Variants in THSD4 observed in about 807,000 individuals in gnomAD.
The protein encoded by THSD4 is thrombospondin type 1 domain containing 4.
A neutral mutation model predicts 119.0 loss-of-function variants in THSD4; 69 were observed. The ratio of observed to expected loss-of-function variants is 0.58; its 90% CI spans 0.48 to 0.71. The LOEUF is 0.71. Among genes scored for constraint, THSD4 ranks in the 30% least tolerant of loss-of-function variants. The probability of loss-of-function intolerance (pLI) is 0.00; values close to 1 mark genes in which losing one functional copy is unlikely to be tolerated. For synonymous variants in THSD4, 524 were observed against 540.4 expected, an observed-to-expected ratio of 0.97 and a Z score of 0.42; for missense variants, 1,393 against 1,391.1, an observed-to-expected ratio of 1.00 and a Z score of -0.02.
At chr15:71,717,619 A>C (rs911221022) in intron 8 of THSD4, among the ~76,000 whole-genome samples, 1 of 151,404 alleles carries the variant, frequency 6.6e-6, no homozygotes, top group Admixed American at 6.6e-5. Flanking sequence ...AAAAAATCAC[A>C]AAAGCAATTG....
intron 2 of THSD4, among the ~76,000 whole-genome samples, chr15:71,148,973 T>C (rs1464748314): frequency 4.6e-5 from 7 of 152,112 alleles, no homozygotes; most frequent in African/African-American, 7.2e-5. Flanking sequence ...CTGAGATCAA[T>C]GGTAGCCATC....
intron 7 of THSD4, among the ~76,000 whole-genome samples, chr15:71,552,552 C>G (rs2048948597): frequency 6.6e-6 from 1 of 152,214 alleles, no homozygotes; most frequent in African/African-American, 2.4e-5. Flanking sequence ...AGCCAGTCAG[C>G]TATGTGGAAC....
chr15:71,267,836 A>G (rs1282194666), intron 6 of THSD4, among the ~76,000 whole-genome samples: 1 of 152,248 alleles, frequency 6.6e-6, no homozygotes, highest in Non-Finnish European at 1.5e-5. Context: ...CAGACTTTAA[A>G]CTAGCAAAAA....
chr15:71,382,623 A>G (rs1241009678), intron 6 of THSD4, among the ~76,000 whole-genome samples: 1 of 152,126 alleles, frequency 6.6e-6, no homozygotes, highest in Non-Finnish European at 1.5e-5. Context: ...TTCCTCACCA[A>G]AAACACATCT....
At chr15:71,106,712 G>A (rs1466072748) in intron 1 of THSD4, among the ~76,000 whole-genome samples, 4 of 152,174 alleles carry the variant, frequency 2.6e-5, no homozygotes, top group Admixed American at 6.5e-5. Flanking sequence ...TCAAATCTCA[G>A]TGGGAGATTT....
chr15:71,237,189 C>T (rs1039196631), intron 4 of THSD4, among the ~76,000 whole-genome samples: 7 of 152,030 alleles, frequency 4.6e-5, no homozygotes, highest in South Asian at 4.2e-4. Context: ...AAGAGCCAGC[C>T]GTCTTCAGGG....
At chr15:71,735,735 A>T (rs1243529357) in intron 10 of THSD4, among the ~76,000 whole-genome samples, 877 of 60,898 alleles carry the variant, frequency 0.014, no homozygotes, top group African/African-American at 0.021. Flanking sequence ...GCTTTCTGTC[A>T]CTGTCCCTGT....
chr15:71,626,065 T>G (rs985904107), intron 7 of THSD4, among the ~76,000 whole-genome samples: 7 of 152,162 alleles, frequency 4.6e-5, no homozygotes, highest in South Asian at 2.1e-4. Flanking sequence ...ATACAGTGTT[T>G]GTGAGCTTAA....
chr15:71,219,763 C>T (rs1265273570), intron 4 of THSD4, among the ~76,000 whole-genome samples: 1 of 152,192 alleles, frequency 6.6e-6, no homozygotes, highest in Non-Finnish European at 1.5e-5. Flanking sequence ...ATTTTATAAA[C>T]AATGAAACCG....
At chr15:71,155,906 G>C (rs2040772499) in intron 3 of THSD4, among the ~76,000 whole-genome samples, 1 of 152,068 alleles carries the variant, frequency 6.6e-6, no homozygotes, top group Non-Finnish European at 1.5e-5. Context: ...AGACAAGAAG[G>C]CTTTGATGCA....
intron 6 of THSD4, among the ~76,000 whole-genome samples, chr15:71,264,768 C>T (rs1330626670): frequency 6.6e-6 from 1 of 152,150 alleles, no homozygotes. Flanking sequence ...TTAAAGGACA[C>T]TGAGAAGGTG....
At chr15:71,579,348 C>T (rs2140912057) in intron 7 of THSD4, among the ~76,000 whole-genome samples, 1 of 152,320 alleles carries the variant, frequency 6.6e-6, no homozygotes, top group South Asian at 2.1e-4. Flanking sequence ...AGAATGTCCT[C>T]CTGAGAAGGG....
intron 5 of THSD4, among the ~76,000 whole-genome samples, chr15:71,251,462 G>A (rs1392913624): frequency 6.6e-6 from 1 of 152,184 alleles, no homozygotes; most frequent in Non-Finnish European, 1.5e-5. Context: ...TTCAATTGTG[G>A]TAGTTTAGAC....
chr15:71,652,446 T>A (rs1187410986), intron 7 of THSD4, among the ~76,000 whole-genome samples: 1 of 152,168 alleles, frequency 6.6e-6, no homozygotes, highest in African/African-American at 2.4e-5. Flanking sequence ...CAATTATCAC[T>A]GTCAAAAGCT....
chr15:71,191,966 G>A (rs139572861), intron 3 of THSD4, among the ~76,000 whole-genome samples: 1 of 149,266 alleles, frequency 6.7e-6, no homozygotes, highest in Admixed American at 6.7e-5. Context: ...GTAGTGGCAC[G>A]ATCTCAGCTC....
rs2053814042 is a variant in THSD4 at position 71,771,077 on chromosome 15, G to T, written c.2783G>T (p.Cys928Phe). 1 of 1,614,162 alleles carries T rather than the reference G, an allele frequency of 6.2e-7. No homozygotes were observed. The highest frequency in any genetic ancestry group is 1.1e-5 in the South Asian group (1 of 91,070). Residue 928 changes from cysteine to phenylalanine, a missense_variant, in exon 17 of 18, where the codon TGC becomes TTC. Coordinates refer to ENST00000261862, the MANE Select transcript of THSD4 (RefSeq NM_024817.3). Reference sequence around the variant, plus strand: ...GTTCCCATGCAGTGTTCCAAGAGCTGCCAGGGTGGCTTTCGGGTCCGGGAA... The same window carrying T: ...GTTCCCATGCAGTGTTCCAAGAGCTTCCAGGGTGGCTTTCGGGTCCGGGAA... Reference protein sequence around the residue: ...STEWSMCSKSCQGGFRVREVR... With the variant: ...STEWSMCSKSFQGGFRVREVR...
At chr15:71,776,881 A>G (rs1257964667) in intron 17 of THSD4, among the ~76,000 whole-genome samples, 1 of 152,206 alleles carries the variant, frequency 6.6e-6, no homozygotes, top group Admixed American at 6.5e-5. Flanking sequence ...TTTAAATGTC[A>G]CAGAGTGGTG....
intron 6 of THSD4, among the ~76,000 whole-genome samples, chr15:71,375,378 G>T (rs2046119902): frequency 6.6e-6 from 1 of 152,114 alleles, no homozygotes; most frequent in South Asian, 2.1e-4. Context: ...GACCTTCCAA[G>T]ACCGAGTTGG....
In THSD4 at chr15:71,655,651, A is replaced by G. The variant is rs191507722; in HGVS notation, c.1153-4879A>G. 1.1e-4 allele frequency among the ~76,000 whole-genome samples: 16 copies of G among 152,284 alleles called. No individual in the cohort carries two copies. In the East Asian group the frequency reaches 3.1e-3, roughly 29 times the overall value. ...CTGCTCCATCCCCATCCAGGCAGAAAAAAAATCCCAGGGCTCAGAACAGCT... is the reference window on the plus strand; with the variant it reads ...CTGCTCCATCCCCATCCAGGCAGAAGAAAAATCCCAGGGCTCAGAACAGCT... On this transcript the variant is annotated intron_variant, in intron 7 of 17. Transcript: ENST00000261862.
Sources: allele counts gnomAD v4.1 joint callset (sites outside exome capture counted in the v4.1 genomes callset), GRCh38; gene constraint gnomAD v4.1.1; transcripts MANE v1.5; gene names NCBI Gene and HGNC (gene_info 2026-07-23, HGNC 2026-07-21).